ERCC8: variants seen among roughly 807,000 people sequenced by gnomAD.
ERCC8 encodes DNA excision repair protein ERCC-8.
Under a neutral mutation model 54.9 loss-of-function variants are expected in ERCC8, and 52 were observed. That is an observed-to-expected ratio of 0.95 (90% CI 0.76 to 1.19). The LOEUF (loss-of-function observed/expected upper bound fraction) is 1.19. Ranked by LOEUF, ERCC8 falls within the 50% of genes most tolerant of loss-of-function variation. The pLI is 0.00. For synonymous variants in ERCC8, 146 were observed against 157.2 expected (o/e 0.93, Z 0.53); for missense variants, 514 against 466.1 (o/e 1.10, Z -0.95).
At chr5:60,909,145 GGCA>G (rs1318596905) in intron 4 of ERCC8, among the ~76,000 whole-genome samples, 2 of 145,892 alleles carry the variant, frequency 1.4e-5, no homozygotes, top group African/African-American at 2.5e-5. Flanking sequence ...CCCACCAAAA[GGCA>G]GCAGATGAGT....
At chr5:60,933,207 C>CT (rs796407596) in intron 1 of ERCC8, among the ~76,000 whole-genome samples, 23 of 119,642 alleles carry the variant, frequency 1.9e-4, no homozygotes, top group Admixed American at 3.1e-4. Context: ...GCATTTTTTC[C>CT]TTTTTTTTCT....
At chr5:60,892,622 G>T in intron 9 of ERCC8, 1 of 665,532 alleles carries the variant, frequency 1.5e-6, no homozygotes, top group Non-Finnish European at 2.8e-6. Flanking sequence ...GAAGGTAATA[G>T]TTGGAAATCT....
intron 11 of ERCC8, among the ~76,000 whole-genome samples, chr5:60,878,651 A>G (rs1406996240): frequency 6.6e-6 from 1 of 152,074 alleles, no homozygotes; most frequent in Admixed American, 6.5e-5. Context: ...TTTCTAGTTT[A>G]TTTGCATAGA....
intron 8 of ERCC8, among the ~76,000 whole-genome samples, 193 bp downstream of exon 8, chr5:60,899,434 T>G (rs1486719891): frequency 6.6e-6 from 1 of 152,096 alleles, no homozygotes; most frequent in Non-Finnish European, 1.5e-5. Context: ...ACTGCCATTT[T>G]TATTTGTATC....
At chr5:60,917,239 A>C (rs1363982163) in intron 4 of ERCC8, among the ~76,000 whole-genome samples, 1 of 151,924 alleles carries the variant, frequency 6.6e-6, no homozygotes, top group Non-Finnish European at 1.5e-5. Context: ...TAATTGTAAA[A>C]AAAGATGTGA....
intron 1 of ERCC8, among the ~76,000 whole-genome samples, chr5:60,932,908 G>A (rs1304790902): frequency 1.3e-5 from 2 of 152,102 alleles, no homozygotes; most frequent in Admixed American, 6.6e-5. Context: ...AGAGCCTGGG[G>A]TAGAAGGGTA....
rs1747899153 is a variant in ERCC8, at chr5:60,873,153, G to A, written c.*1462C>T. 6.6e-6 allele frequency among the ~76,000 whole-genome samples: 1 copy of A among 152,124 alleles called. No individual in the cohort carries two copies. Among genetic ancestry groups the A allele is most frequent in the Non-Finnish European group, 1.5e-5 (1 of 68,022 alleles). ...TATTAATTTTGAAAAATAAGAGAATGGATGTAAAGTGTTCTTACCACAAAA... is the reference window on the plus strand; with the variant it reads ...TATTAATTTTGAAAAATAAGAGAATAGATGTAAAGTGTTCTTACCACAAAA... On this transcript the variant is annotated 3_prime_UTR_variant, in exon 12 of 12. Coordinates refer to ENST00000676185, the MANE Select transcript of ERCC8 (RefSeq NM_000082.4).
At chr5:60,880,099 G>T (rs1748159940) in intron 11 of ERCC8, among the ~76,000 whole-genome samples, 1 of 152,148 alleles carries the variant, frequency 6.6e-6, no homozygotes, top group Non-Finnish European at 1.5e-5. Context: ...TGTCTGTGAA[G>T]GATTTTATTT....
chr5:60,924,362 G>C (rs756143581), intron 2 of ERCC8: 20 of 153,602 alleles, frequency 1.3e-4, no homozygotes, highest in African/African-American at 4.6e-4. Context: ...GATTCCTAAG[G>C]AATGGCTAAT....
chr5:60,931,785 T>C (rs1749916414), intron 1 of ERCC8, among the ~76,000 whole-genome samples: 1 of 152,182 alleles, frequency 6.6e-6, no homozygotes, highest in African/African-American at 2.4e-5. Context: ...TTGTAACAAG[T>C]AAAAACAGTA....
At position 60,918,494 on chromosome 5, in the gene ERCC8, C is replaced by T. The variant is rs1749507026; in HGVS notation, c.276-106G>A. ...TCTCAGGTAGGATGATATGAATGGC[C>T]AAACCGAGATCACATGCCTGTGTCC... On this transcript the variant is annotated intron_variant, in intron 3 of 11. Coordinates refer to ENST00000676185, the MANE Select transcript of ERCC8 (RefSeq NM_000082.4). The T allele has an allele frequency of 1.2e-5, 11 of 945,666 alleles. No homozygotes were observed. The Middle Eastern group carries it at 7.1e-4, about 61-fold the overall frequency. 58.6% of individuals were successfully genotyped at this position (945,666 alleles called of 1,614,324 possible).
chr5:60,919,180 CTT>C (rs1301378832), intron 3 of ERCC8, among the ~76,000 whole-genome samples: 1 of 151,792 alleles, frequency 6.6e-6, no homozygotes, highest in Non-Finnish European at 1.5e-5. Context: ...CTCATAAAGT[CTT>C]TATCTTTTAG....
At chr5:60,897,882 A>C (rs1748764119) in intron 9 of ERCC8, among the ~76,000 whole-genome samples, 1 of 152,182 alleles carries the variant, frequency 6.6e-6, no homozygotes, top group Admixed American at 6.5e-5. Context: ...TCATGCTAGC[A>C]CTCAAAAAGT....
At chr5:60,890,542 C>T (rs1462267756) in intron 10 of ERCC8, among the ~76,000 whole-genome samples, 2 of 152,134 alleles carry the variant, frequency 1.3e-5, no homozygotes, top group African/African-American at 4.8e-5. Context: ...CCAACATATA[C>T]AAATTATATT....
chr5:60,886,984 G>T lies in ERCC8; in HGVS notation c.1122+456C>A, dbSNP rs116720623. On this transcript the variant is annotated intron_variant, in intron 11 of 11. Transcript: ENST00000676185. ...ATAGTTATTAATGACATGAAAAAAG[G>T]CTTATTGTACAATGTTAATGAGAAA... Among the ~76,000 whole-genome samples, 1,460 of 152,086 alleles carry T rather than the reference G, an allele frequency of 9.6e-3. 20 individuals are homozygous for T. The highest frequency in any genetic ancestry group is 0.034 in the African/African-American group (1,402 of 41,516).
At chr5:60,932,105 A>T (rs1216457664) in intron 1 of ERCC8, 2 of 152,262 alleles carry the variant, frequency 1.3e-5, no homozygotes, top group Non-Finnish European at 2.9e-5. Context: ...GAGAAAGCTT[A>T]CCTCTGCCCA....
At chr5:60,911,494 CT>C (rs1749261890) in intron 4 of ERCC8, among the ~76,000 whole-genome samples, 1 of 151,770 alleles carries the variant, frequency 6.6e-6, no homozygotes, top group African/African-American at 2.4e-5. Context: ...GATATTAGCC[CT>C]TTGTCAGATG....
At chr5:60,878,342 T>G (rs1156530182) in intron 11 of ERCC8, among the ~76,000 whole-genome samples, 4 of 152,178 alleles carry the variant, frequency 2.6e-5, no homozygotes, top group Admixed American at 2.6e-4. Flanking sequence ...CTTTTTTTGT[T>G]GTGTCTCTGC....
chr5:60,911,695 G>C (rs1049655874), intron 4 of ERCC8, among the ~76,000 whole-genome samples: 1 of 152,062 alleles, frequency 6.6e-6, no homozygotes, highest in Non-Finnish European at 1.5e-5. Flanking sequence ...TACTGCCTAG[G>C]TTTTCTTCTG....
Sources: gnomAD v4.1 joint callset for allele counts (sites outside exome capture counted in the v4.1 genomes callset) on GRCh38, gnomAD v4.1.1 for gene constraint, MANE v1.5 for transcripts, NCBI Gene and HGNC (gene_info 2026-07-23, HGNC 2026-07-21) for gene names.